The following WWOX variants were observed in gnomAD, a reference collection of about 807,000 sequenced individuals.
The protein encoded by WWOX is WW domain-containing oxidoreductase.
A neutral mutation model predicts 46.2 loss-of-function variants in WWOX; 69 were observed. The ratio of observed to expected loss-of-function variants is 1.49; its 90% CI spans 1.23 to 1.82. WWOX has a LOEUF of 1.82. WWOX is among the 40% of genes most tolerant of loss of function. The pLI, the probability that WWOX is intolerant of heterozygous loss-of-function variation, is 0.00. For missense variants in WWOX, 919 were observed against 542.6 expected (o/e 1.69, Z -6.89); for synonymous variants, 359 against 202.6 (o/e 1.77, Z -6.56).
chr16:78,710,692 G>A (rs2048426757), intron 8 of WWOX, among the ~76,000 whole-genome samples: 1 of 150,850 alleles, frequency 6.6e-6, no homozygotes, highest in Non-Finnish European at 1.5e-5. Flanking sequence ...ATGGCTCACT[G>A]TAGCCTCAAC....
chr16:78,877,438 A>G (rs912078795), intron 8 of WWOX, among the ~76,000 whole-genome samples: 3 of 152,132 alleles, frequency 2.0e-5, no homozygotes, highest in South Asian at 2.1e-4. Context: ...ACGTAGCACC[A>G]TGAGCTGTTC....
intron 8 of WWOX, among the ~76,000 whole-genome samples, chr16:78,644,566 A>G (rs2046796547): frequency 6.6e-6 from 1 of 151,820 alleles, no homozygotes; most frequent in African/African-American, 2.4e-5. Context: ...GGTTCAAATG[A>G]TTTTCCTGCC....
chr16:79,160,345 G>A (rs1455408306), intron 8 of WWOX, among the ~76,000 whole-genome samples: 1 of 152,112 alleles, frequency 6.6e-6, no homozygotes. Context: ...CAAGCGGGAG[G>A]TGGAGGGTTG....
At chr16:79,138,749 C>T (rs2050031335) in intron 8 of WWOX, among the ~76,000 whole-genome samples, 1 of 152,186 alleles carries the variant, frequency 6.6e-6, no homozygotes, top group Non-Finnish European at 1.5e-5. Flanking sequence ...GACTGTGAGT[C>T]TCCAGAGGGT....
intron 8 of WWOX, among the ~76,000 whole-genome samples, chr16:78,750,633 C>T (rs929475848): frequency 2.6e-5 from 4 of 152,026 alleles, no homozygotes; most frequent in African/African-American, 9.7e-5. Context: ...CAATCCTTTT[C>T]TCCTTCCCTC....
chr16:78,965,430 C>T (rs1222252693), intron 8 of WWOX, among the ~76,000 whole-genome samples: 1 of 152,000 alleles, frequency 6.6e-6, no homozygotes, highest in Admixed American at 6.6e-5. Context: ...ATTAGCTGGG[C>T]ATGGTGGCAG....
intron 8 of WWOX, among the ~76,000 whole-genome samples, chr16:78,797,902 T>G (rs2050786092): frequency 1.3e-5 from 2 of 152,274 alleles, no homozygotes; most frequent in South Asian, 4.1e-4. Context: ...ATGGGAGGAT[T>G]GATTGAGCCC....
chr16:78,443,094 C>G (rs555858638), intron 8 of WWOX, among the ~76,000 whole-genome samples: 140 of 145,520 alleles, frequency 9.6e-4, no homozygotes, highest in African/African-American at 3.3e-3. Context: ...CAAGATCGCA[C>G]CACTGCACTC....
chr16:78,792,373 A>G (rs2050629097), intron 8 of WWOX, among the ~76,000 whole-genome samples: 1 of 152,126 alleles, frequency 6.6e-6, no homozygotes, highest in African/African-American at 2.4e-5. Flanking sequence ...GTAGAAACAG[A>G]AAAAAACAGG....
intron 8 of WWOX, among the ~76,000 whole-genome samples, chr16:78,632,716 G>A (rs1014314245): frequency 2.0e-5 from 3 of 151,426 alleles, no homozygotes; most frequent in African/African-American, 4.9e-5. Context: ...GCGCCACCAC[G>A]CCCAGCTGAT....
At position 78,531,735 on chromosome 16, in the gene WWOX, G is replaced by C. The variant is rs970746413; in HGVS notation, c.1056+98983G>C. 2.0e-5 allele frequency among the ~76,000 whole-genome samples: 3 copies of C among 152,226 alleles called. No homozygotes were observed. In the South Asian group the frequency reaches 6.2e-4, roughly 32 times the overall value. On this transcript the variant is annotated intron_variant, in intron 8 of 8. Transcript: ENST00000566780. ...GATTCGGTTTAGGTGATGTGTGTCT[G>C]TAATCCCAGCTACTTGGGAGGCTGA...
At chr16:78,155,012 C>T (rs1032231539) in intron 4 of WWOX, among the ~76,000 whole-genome samples, 3 of 152,220 alleles carry the variant, frequency 2.0e-5, no homozygotes, top group Non-Finnish European at 4.4e-5. Flanking sequence ...AACCCCACCT[C>T]TAGCTGACAG....
At chr16:78,922,147 A>G (rs1329121568) in intron 8 of WWOX, among the ~76,000 whole-genome samples, 1 of 152,046 alleles carries the variant, frequency 6.6e-6, no homozygotes, top group Non-Finnish European at 1.5e-5. Context: ...TGATTGGGTG[A>G]TTGCCCACAT....
chr16:78,160,798 T>A (rs1393259031), intron 4 of WWOX, among the ~76,000 whole-genome samples: 1 of 152,188 alleles, frequency 6.6e-6, no homozygotes, highest in African/African-American at 2.4e-5. Context: ...TTATTTTCAG[T>A]TTATCAATTA....
chr16:78,395,335 T>G (rs142762593), intron 6 of WWOX, among the ~76,000 whole-genome samples: 72 of 152,138 alleles, frequency 4.7e-4, no homozygotes, highest in Middle Eastern at 3.4e-3. Context: ...CCTCGGTAAT[T>G]TGGCAAAACC....
chr16:78,208,059 C>A (rs1313669679), intron 5 of WWOX, among the ~76,000 whole-genome samples: 1 of 152,206 alleles, frequency 6.6e-6, no homozygotes, highest in Non-Finnish European at 1.5e-5. Flanking sequence ...GTCATCCGCC[C>A]GCCTTGGCTT....
chr16:78,887,130 G>GTA (rs1567627293), intron 8 of WWOX, among the ~76,000 whole-genome samples: 1 of 124,448 alleles, frequency 8.0e-6, no homozygotes, highest in African/African-American at 2.8e-5. Context: ...GTGTGTGTGT[G>GTA]TGTGTATACC....
Position 78,970,020 on chromosome 16 carries a change from G to C in WWOX, c.1057-241588G>C, listed in dbSNP as rs551502403. The stretch of plus-strand genomic sequence containing the variant: ...GGTATATGAATCATATCTCAACAAA[G>C]CTGTTAAAAAATTGTATGAAAACTG... On this transcript the variant is annotated intron_variant, in intron 8 of 8. Coordinates refer to ENST00000566780, the MANE Select transcript of WWOX (RefSeq NM_016373.4). Among the ~76,000 whole-genome samples, 4 of 151,714 alleles carry C rather than the reference G, an allele frequency of 2.6e-5. No individual in the cohort carries two copies. The South Asian group carries it at 8.3e-4, about 32-fold the overall frequency.
At chr16:79,063,417 G>C (rs746666651) in intron 8 of WWOX, among the ~76,000 whole-genome samples, 1 of 152,178 alleles carries the variant, frequency 6.6e-6, no homozygotes, top group Non-Finnish European at 1.5e-5. Flanking sequence ...TCTGGATATG[G>C]AATATTAGTC....
Sources: gnomAD v4.1 joint callset for allele counts (sites outside exome capture counted in the v4.1 genomes callset) on GRCh38, gnomAD v4.1.1 for gene constraint, MANE v1.5 for transcripts, NCBI Gene and HGNC (gene_info 2026-07-23, HGNC 2026-07-21) for gene names.